The following MAP3K6 variants were observed in gnomAD, a reference collection of about 807,000 sequenced individuals.
MAP3K6 encodes mitogen-activated protein kinase kinase kinase 6.
Under a neutral mutation model 147.1 loss-of-function variants are expected in MAP3K6, and 105 were observed. The observed-to-expected ratio is 0.71, with a 90% CI of 0.61 to 0.84. The LOEUF is 0.84. MAP3K6 is among the 40% of genes least tolerant of loss of function. The pLI, the probability that MAP3K6 is intolerant of heterozygous loss-of-function variation, is 0.00. For synonymous variants in MAP3K6, 695 were observed against 732.4 expected, an observed-to-expected ratio of 0.95 and a Z score of 0.82; for missense variants, 1,569 against 1,715.0, an observed-to-expected ratio of 0.91 and a Z score of 1.50.
chr1:27,365,804 C>T (rs2015956489), intron 1 of MAP3K6, among the ~76,000 whole-genome samples: 1 of 152,244 alleles, frequency 6.6e-6, no homozygotes, highest in Admixed American at 6.5e-5. Context: ...TCCAGCCTCC[C>T]GGCCCCTTTC....
rs1437126211 is a variant in MAP3K6, at chr1:27,361,771, C to T, written c.1512G>A (p.Trp504Ter). ...GGCAGGACTGTAGCAAGAAGTGGAG[C>T]CAGAAGTGGGCACGGCGTGGTGGCC... ...PGGPPRRAHFWLHFLLQSCQP... is the reference protein window; with the variant it reads ...PGGPPRRAHF Residue 504 changes from tryptophan (W) to a stop codon, truncating the protein, a stop_gained, in exon 10 of 29, where the codon TGG (tryptophan) becomes TGA (stop). Coordinates refer to ENST00000357582, the MANE Select transcript of MAP3K6 (RefSeq NM_004672.5). LOFTEE classifies it high-confidence loss of function. The T allele has an allele frequency of 6.2e-7, 1 of 1,612,838 alleles. No homozygotes were observed. Among genetic ancestry groups the T allele is most frequent in the Admixed American group, 1.7e-5 (1 of 59,912 alleles).
At position 27,358,373 on chromosome 1, in the gene MAP3K6, CA is replaced by C; in HGVS notation, c.2776+45del. 4 of 1,589,096 alleles carry C rather than the reference CA, an allele frequency of 2.5e-6. No homozygotes were observed. In the South Asian group the frequency reaches 4.6e-5, roughly 18 times the overall value. On this transcript the variant is annotated intron_variant, in intron 20 of 28. Transcript: ENST00000357582. This position sits in a 1 kb window ranked among gnomAD's most constrained non-coding sequence, Gnocchi z 6.2. ...GCTCTCCTCCACCCTCACAGCTCCA[CA>C]ACTCCTCTGCCCTCCACTGTGCCCA... is the stretch of plus-strand genomic sequence containing the variant.
chr1:27,366,421 G>A lies in MAP3K6; in HGVS notation c.177C>T (p.Leu59=). 1 of 1,224,024 alleles carries A rather than the reference G, an allele frequency of 8.2e-7. No homozygotes were observed. The allele number at this position is 1,224,024 out of a possible 1,614,324, so 75.8% of individuals were successfully genotyped here. ...YVLTREPQPG[L]EPREGTEAEP... is the part of the protein sequence containing the mutation. ...CCGCCTCGGTTCCCTCCCGAGGCTC[G>A]AGCCCGGGCTGCGGCTCCCGGGTCA... The change falls in exon 1 of 29, where the codon CTC becomes CTT. Residue 59 remains leucine, a synonymous_variant. Coordinates refer to ENST00000357582, the MANE Select transcript of MAP3K6 (RefSeq NM_004672.5). The surrounding 1 kb of genome is among the most constrained non-coding windows in gnomAD (Gnocchi z 5.5).
chr1:27,360,379 G>C lies in MAP3K6; in HGVS notation c.2055-11C>G. On this transcript the variant is annotated splice_polypyrimidine_tract_variant and intron_variant, in intron 15 of 28. Coordinates refer to ENST00000357582, the MANE Select transcript of MAP3K6 (RefSeq NM_004672.5). This position sits in a 1 kb window ranked among gnomAD's most constrained non-coding sequence, Gnocchi z 4.5. Reference sequence around the variant, plus strand: ...AGGGGCTGAGAGAACCTGAGGGGAGGTAAGGGAGAGAGGAAAGGGACCGAG... The same window carrying C: ...AGGGGCTGAGAGAACCTGAGGGGAGCTAAGGGAGAGAGGAAAGGGACCGAG... 2 of 1,612,120 alleles carry C rather than the reference G, an allele frequency of 1.2e-6. No individual in the cohort carries two copies. The highest frequency in any genetic ancestry group is 3.6e-4 in the Middle Eastern group (2 of 5,540).
chr1:27,363,880 T>A, intron 5 of MAP3K6, 37 bp downstream of exon 5: 1 of 1,510,206 alleles, frequency 6.6e-7, no homozygotes, highest in South Asian at 1.3e-5. Context: ...TGACCTCAAA[T>A]GCCAGCTGCC....
chr1:27,366,516 C>T lies in MAP3K6; in HGVS notation c.82G>A (p.Gly28Ser), dbSNP rs1443781673. 6.3e-6 allele frequency: 7 copies of T among 1,105,600 alleles called. No individual in the cohort carries two copies. The highest frequency in any genetic ancestry group is 4.3e-5 in the South Asian group (1 of 23,212). The allele number at this position is 1,105,600 out of a possible 1,614,324, so 68.5% of individuals were successfully genotyped here. ...QDPLAVALSR[G>S]RQLAAPPGRG... Reference sequence around the variant, plus strand: ...CCCGGGGGCGCCGCGAGCTGCCGGCCCCGGCTCAGCGCCACGGCCAGCGGG... The same window carrying T: ...CCCGGGGGCGCCGCGAGCTGCCGGCTCCGGCTCAGCGCCACGGCCAGCGGG... Residue 28 changes from glycine to serine, a missense_variant, in exon 1 of 29, where the codon GGC becomes AGC. Physicochemically the swap from Gly to Ser is moderately conservative, Grantham distance 56. Coordinates refer to ENST00000357582, the MANE Select transcript of MAP3K6 (RefSeq NM_004672.5). The surrounding 1 kb of genome is among the most constrained non-coding windows in gnomAD (Gnocchi z 5.5).
Position 27,357,830 on chromosome 1 carries a change from TCTC to T in MAP3K6, c.2959_2961del (p.Glu987del), listed in dbSNP as rs751555914. The T allele has an allele frequency of 6.2e-5, 100 of 1,601,142 alleles. 1 individual carries two copies. The South Asian group carries it at 1.1e-3, about 18-fold the overall frequency. ...TGGTGCAGCAGGCTCAGCCCCGAACTCTCCTCCGGAGACGCAGGCTCCTCGGCC... is the reference window on the plus strand; with the variant it reads ...TGGTGCAGCAGGCTCAGCCCCGAACTCTCCGGAGACGCAGGCTCCTCGGCC... On this transcript the variant is annotated inframe_deletion, in exon 22 of 29. Transcript: ENST00000357582.
rs1189422107 is a variant in MAP3K6, at chr1:27,357,047, CTGAGCAG to C, written c.3319_3325del (p.Leu1107AlafsTer11). The C allele has an allele frequency of 2.9e-5, 46 of 1,613,976 alleles. No homozygotes were observed. The highest frequency in any genetic ancestry group is 1.6e-4 in the Middle Eastern group (1 of 6,084). The stretch of plus-strand genomic sequence containing the variant: ...ACCCAGGGCTGCCCGCACAGCACGG[CTGAGCAG>C]TGAGTCCAGAACGAACATCCAGTGT... On this transcript the variant is annotated frameshift_variant, in exon 24 of 29. Coordinates refer to ENST00000357582, the MANE Select transcript of MAP3K6 (RefSeq NM_004672.5). LOFTEE classifies it high-confidence loss of function.
chr1:27,363,999 C>T lies in MAP3K6; in HGVS notation c.782G>A (p.Arg261His), dbSNP rs748258000. Residue 261 changes from arginine to histidine, a missense_variant, in exon 5 of 29, where the codon CGC becomes CAC. Transcript: ENST00000357582. ...SGPQLRQELARLQRRLDSVEL... is the reference protein window; with the variant it reads ...SGPQLRQELAHLQRRLDSVEL... ...CACGCTGTCCAGTCTCCGCTGCAGG[C>T]GAGCCAGCTCCTGCCGCAGCTGTGG... is the stretch of plus-strand genomic sequence containing the variant. The T allele has an allele frequency of 5.3e-5, 85 of 1,610,886 alleles. No homozygotes were observed. The highest frequency in any genetic ancestry group is 2.0e-4 in the African/African-American group (15 of 75,056).
Position 27,357,750 on chromosome 1 carries a change from C to A in MAP3K6, c.3042G>T (p.Ala1014=). ...GCTCCTGGTGCAGATTCTCCGCCAG[C>A]GCTGGCAGCTCCTGCTCCAATACTG... ...LAAVLEQELP[A]LAENLHQEQK... The change falls in exon 22 of 29, where the codon GCG becomes GCT. Residue 1014 remains alanine (A), a synonymous_variant. Coordinates refer to ENST00000357582, the MANE Select transcript of MAP3K6 (RefSeq NM_004672.5). 6.2e-7 allele frequency: 1 copy of A among 1,611,868 alleles called. No individual in the cohort carries two copies. The highest frequency in any genetic ancestry group is 8.5e-7 in the Non-Finnish European group (1 of 1,179,828).
At chr1:27,363,407 T>C (rs376617440) in intron 6 of MAP3K6, 35 bp downstream of exon 6, 18 of 1,556,842 alleles carry the variant, frequency 1.2e-5, no homozygotes, top group Non-Finnish European at 1.6e-5. Context: ...GAAACCTTTA[T>C]GTGGCTATGA....
chr1:27,364,238 C>G lies in MAP3K6; in HGVS notation c.661G>C (p.Ala221Pro), dbSNP rs775697363. Residue 221 changes from alanine to proline, a missense_variant, in exon 4 of 29, where the codon GCC (alanine) becomes CCC (proline). Physicochemically the swap from Ala to Pro is conservative, Grantham distance 27. Transcript: ENST00000357582. This position sits in a 1 kb window ranked among gnomAD's most constrained non-coding sequence, Gnocchi z 4.4. ...GTGGGTGTGGCCTCCAGCAGGCGGGCAAGCCGGCCCACCAGGGGAGTGAGC... is the reference window on the plus strand; with the variant it reads ...GTGGGTGTGGCCTCCAGCAGGCGGGGAAGCCGGCCCACCAGGGGAGTGAGC... The part of the protein sequence containing the change: ...ALLTPLVGRL[A>P]RLLEATPTDS... 4 of 1,612,776 alleles carry G rather than the reference C, an allele frequency of 2.5e-6. No homozygotes were observed. The East Asian group carries it at 8.9e-5, about 36-fold the overall frequency.
Position 27,357,758 on chromosome 1 carries a change from G to A in MAP3K6, c.3034C>T (p.Leu1012=). 6.2e-7 allele frequency: 1 copy of A among 1,611,674 alleles called. No individual in the cohort carries two copies. Among genetic ancestry groups the A allele is most frequent in the Non-Finnish European group, 8.5e-7 (1 of 1,179,740 alleles). ...AMLAAVLEQE[L]PALAENLHQE... ...TGCAGATTCTCCGCCAGCGCTGGCA[G>A]CTCCTGCTCCAATACTGCGGCCAGC... Residue 1012 remains leucine, a synonymous_variant, in exon 22 of 29, where the codon CTG becomes TTG. Transcript: ENST00000357582.
intron 8 of MAP3K6, 118 bp from the exon 9 acceptor site, chr1:27,362,368 C>T (rs2015810322): frequency 1.8e-6 from 2 of 1,097,142 alleles, no homozygotes; most frequent in East Asian, 2.6e-5. Context: ...TTGAGTATGG[C>T]AAGATCTCGG....
chr1:27,356,076 G>T lies in MAP3K6; in HGVS notation c.3661C>A (p.Leu1221Met). 1 of 1,614,210 alleles carries T rather than the reference G, an allele frequency of 6.2e-7. No homozygotes were observed. Among genetic ancestry groups the T allele is most frequent in the Non-Finnish European group, 8.5e-7 (1 of 1,180,040 alleles). The change falls in exon 27 of 29, where the codon CTG (leucine) becomes ATG (methionine). Residue 1221 changes from leucine to methionine, a missense_variant. Coordinates refer to ENST00000357582, the MANE Select transcript of MAP3K6 (RefSeq NM_004672.5). ...TTCAGTTCCTGTAGCCACTGCACCA[G>T]GCCCTGGTCCGTTGAAAGAGCAGCT... ...PPTALSTDQG[L>M]VQWLQELNVD...
intron 13 of MAP3K6, 35 bp from the exon 14 acceptor site, chr1:27,361,043 C>T (rs781703885): frequency 2.6e-6 from 4 of 1,539,778 alleles, no homozygotes; most frequent in Non-Finnish European, 3.5e-6. Flanking sequence ...GCGGGAGGGG[C>T]ATCTTGGTCC....
intron 25 of MAP3K6, 23 bp downstream of exon 25, chr1:27,356,567 T>C: frequency 1.2e-6 from 2 of 1,612,030 alleles, no homozygotes; most frequent in Admixed American, 1.7e-5. Context: ...GCAGAGGCTA[T>C]GAGCGATTCC....
intron 1 of MAP3K6, among the ~76,000 whole-genome samples, chr1:27,365,724 G>A (rs1317307077): frequency 6.6e-6 from 1 of 150,768 alleles, no homozygotes; most frequent in Admixed American, 6.6e-5. Flanking sequence ...CAGTCCCGTC[G>A]GGCCCCTTCG....
In MAP3K6 at chr1:27,361,778, T is replaced by G. The variant is rs766375611; in HGVS notation, c.1505A>C (p.His502Pro). The G allele has an allele frequency of 6.2e-7, 1 of 1,612,584 alleles. No individual in the cohort carries two copies. Among genetic ancestry groups the G allele is most frequent in the Admixed American group, 1.7e-5 (1 of 59,890 alleles). The change falls in exon 10 of 29, where the codon CAC (histidine) becomes CCC (proline). Residue 502 changes from histidine (H) to proline (P), a missense_variant. By Grantham distance (77) the His-to-Pro change is moderately conservative (BLOSUM62 -2). Transcript: ENST00000357582. ...CTGTAGCAAGAAGTGGAGCCAGAAG[T>G]GGGCACGGCGTGGTGGCCCTCCAGG... ...EPPGGPPRRA[H>P]FWLHFLLQSC...
Sources: gnomAD v4.1 joint callset for allele counts (sites outside exome capture counted in the v4.1 genomes callset) on GRCh38, gnomAD v4.1.1 for gene constraint, Gnocchi (gnomAD v3.1) non-coding constraint, MANE v1.5 for transcripts, NCBI Gene and HGNC (gene_info 2026-07-23, HGNC 2026-07-21) for gene names.